CHMP7: variants seen among roughly 807,000 people sequenced by gnomAD.
CHMP7 encodes the protein charged multivesicular body protein 7, also known as CHMP family, member 7.
In CHMP7, 15 loss-of-function variants were observed where a neutral mutation model predicts 53.7. The observed-to-expected ratio is 0.28, with a 90% CI of 0.19 to 0.43. The LOEUF is 0.43. Ranked by LOEUF, CHMP7 falls within the 20% of genes least tolerant of loss-of-function variation. The probability of loss-of-function intolerance (pLI) is 1.00; values close to 1 mark genes in which losing one functional copy is unlikely to be tolerated. For synonymous variants in CHMP7, 261 were observed against 228.0 expected, an observed-to-expected ratio of 1.14 and a Z score of -1.30; for missense variants, 527 against 569.4, an observed-to-expected ratio of 0.93 and a Z score of 0.76.
intron 3 of CHMP7, 135 bp from the exon 4 acceptor site, chr8:23,255,112 G>C (rs1168264471): frequency 8.4e-6 from 7 of 830,090 alleles, no homozygotes; most frequent in African/African-American, 1.7e-5. Flanking sequence ...TTGAAAAGCC[G>C]CTACTTTGGG....
At chr8:23,244,122 C>A (rs1166241521) in intron 1 of CHMP7, among the ~76,000 whole-genome samples, 1 of 151,944 alleles carries the variant, frequency 6.6e-6, no homozygotes, top group Non-Finnish European at 1.5e-5. Flanking sequence ...TTCACAGTGT[C>A]TTTCAGAAAG....
intron 3 of CHMP7, among the ~76,000 whole-genome samples, chr8:23,250,953 C>T (rs1014755137): frequency 6.6e-6 from 1 of 152,214 alleles, no homozygotes; most frequent in African/African-American, 2.4e-5. Context: ...AGGGCAGCCC[C>T]TCTGCTCCAT....
rs1218795898 is a variant in CHMP7, at chr8:23,260,195, C to T, written c.1172C>T (p.Thr391Ile). 1.9e-6 allele frequency: 3 copies of T among 1,613,998 alleles called. No homozygotes were observed. Among genetic ancestry groups the T allele is most frequent in the African/African-American group, 2.7e-5 (2 of 74,918 alleles). The change falls in exon 10 of 11, where the codon ACC becomes ATC. Residue 391 changes from threonine (T) to isoleucine (I), a missense_variant. By Grantham distance (89) the Thr-to-Ile change is moderately conservative (BLOSUM62 -1). Coordinates refer to ENST00000397677, the MANE Select transcript of CHMP7 (RefSeq NM_152272.5). ...EKELDILLQD[T>I]TKEPLDLPDN... ...GAATTGGACATCCTCCTTCAGGATA[C>T]CACCAAAGAACCTTTGGATCTGCCT...
In CHMP7 at chr8:23,246,855, G is replaced by C. The variant is rs1490453611; in HGVS notation, c.160G>C (p.Gly54Arg). Reference protein sequence around the residue: ...VNSTDWDSKMGFWAPLVLSHS... With the variant: ...VNSTDWDSKMRFWAPLVLSHS... ...CAGCACCGACTGGGACAGCAAGATGGGCTTCTGGGCGCCGTTGGTGCTGAG... is the reference window on the plus strand; with the variant it reads ...CAGCACCGACTGGGACAGCAAGATGCGCTTCTGGGCGCCGTTGGTGCTGAG... The change falls in exon 2 of 11, where the codon GGC becomes CGC. Residue 54 changes from glycine (G) to arginine (R), a missense_variant. Coordinates refer to ENST00000397677, the MANE Select transcript of CHMP7 (RefSeq NM_152272.5). 1.3e-6 allele frequency: 2 copies of C among 1,597,350 alleles called. No individual in the cohort carries two copies. Among genetic ancestry groups the C allele is most frequent in the Admixed American group, 1.7e-5 (1 of 57,760 alleles).
intron 3 of CHMP7, among the ~76,000 whole-genome samples, chr8:23,253,822 C>A (rs907569231): frequency 1.3e-5 from 2 of 152,122 alleles, no homozygotes; most frequent in African/African-American, 4.8e-5. Context: ...ATTCAAATAG[C>A]CTGTTGTTCA....
chr8:23,246,323 AT>A lies in CHMP7; in HGVS notation c.-369del, dbSNP rs1476850665. ...CCCTCTGCGGCTATTCCCCAGTTCC[AT>A]TTTCTGAAGCCACAGGTCAGAAGCC... On this transcript the variant is annotated 5_prime_UTR_variant, in exon 2 of 11. It removes the in-frame stop codon of an upstream open reading frame in the 5' UTR. Transcript: ENST00000397677. The A allele has an allele frequency of 4.5e-6, 1 of 221,510 alleles. No homozygotes were observed. Among genetic ancestry groups the A allele is most frequent in the Non-Finnish European group, 9.1e-6 (1 of 110,268 alleles). 13.7% of individuals were successfully genotyped at this position (221,510 alleles called of 1,614,324 possible). A position where few individuals can be genotyped will look rare whatever the true frequency, so the allele number is the denominator to read the frequency against.
chr8:23,245,293 A>C (rs977400850), intron 1 of CHMP7, among the ~76,000 whole-genome samples: 1 of 152,194 alleles, frequency 6.6e-6, no homozygotes, highest in African/African-American at 2.4e-5. Flanking sequence ...TATCAAGTGG[A>C]GGATGTGTCC....
At chr8:23,260,443 G>A (rs1802341800) in intron 10 of CHMP7, 95 bp from the exon 11 acceptor site, 1 of 1,511,934 alleles carries the variant, frequency 6.6e-7, no homozygotes, top group Non-Finnish European at 9.2e-7. Flanking sequence ...GGAGTTGAGG[G>A]TTGTTTATAT....
In CHMP7 at chr8:23,259,739, C is replaced by T. The variant is rs188019649; in HGVS notation, c.1121-405C>T. On this transcript the variant is annotated intron_variant, in intron 9 of 10. Coordinates refer to ENST00000397677, the MANE Select transcript of CHMP7 (RefSeq NM_152272.5). ...GAGTTTGACAGTAGATTTGCTTTTC[C>T]GGGTGCAGGCAGGCCTCTCCTAGCC... Among the ~76,000 whole-genome samples the T allele has an allele frequency of 6.8e-4, 103 of 152,294 alleles. 1 individual carries two copies. Among genetic ancestry groups the T allele is most frequent in the African/African-American group, 1.6e-3 (65 of 41,566 alleles).
At chr8:23,247,046 G>C in intron 2 of CHMP7, 52 bp downstream of exon 2, 2 of 1,447,368 alleles carry the variant, frequency 1.4e-6, no homozygotes, top group Non-Finnish European at 1.8e-6. Flanking sequence ...GGCAGCTCTC[G>C]GAGGGCCGGG....
intron 3 of CHMP7, among the ~76,000 whole-genome samples, chr8:23,251,610 T>G (rs1295436135): frequency 6.6e-6 from 1 of 152,246 alleles, no homozygotes; most frequent in Non-Finnish European, 1.5e-5. Flanking sequence ...CACAGACACG[T>G]GTACACATCA....
chr8:23,247,824 C>T (rs938158171), intron 2 of CHMP7, among the ~76,000 whole-genome samples: 2 of 152,034 alleles, frequency 1.3e-5, no homozygotes, highest in Non-Finnish European at 1.5e-5. Flanking sequence ...GTCATTTGCA[C>T]TTCAGTGTAC....
chr8:23,253,272 G>A (rs546085385), intron 3 of CHMP7, among the ~76,000 whole-genome samples: 1 of 152,212 alleles, frequency 6.6e-6, no homozygotes, highest in East Asian at 1.9e-4. Flanking sequence ...CTTGGATATA[G>A]CTCAGACATC....
chr8:23,248,668 C>T (rs191006419), intron 2 of CHMP7, among the ~76,000 whole-genome samples: 2 of 152,144 alleles, frequency 1.3e-5, no homozygotes, highest in Admixed American at 1.3e-4. Context: ...GTGACTGGCC[C>T]GCGGCAAGCA....
intron 3 of CHMP7, among the ~76,000 whole-genome samples, chr8:23,253,289 A>G (rs1801998543): frequency 6.6e-6 from 1 of 152,066 alleles, no homozygotes; most frequent in Non-Finnish European, 1.5e-5. Flanking sequence ...CATCTTATTT[A>G]TGTATTTATT....
intron 3 of CHMP7, among the ~76,000 whole-genome samples, 155 bp downstream of exon 3, chr8:23,249,536 T>C (rs1265524108): frequency 1.3e-5 from 2 of 152,210 alleles, no homozygotes; most frequent in African/African-American, 2.4e-5. Flanking sequence ...TACTTGCACT[T>C]TGTAATATTC....
rs374875954 is a variant in CHMP7, at chr8:23,258,369, C to T, written c.880C>T (p.Arg294Cys). 2.7e-5 allele frequency: 44 copies of T among 1,614,050 alleles called. No individual in the cohort carries two copies. Among genetic ancestry groups the T allele is most frequent in the South Asian group, 4.4e-5 (4 of 91,090 alleles). ...CAAGGCCAAGCAACGGACAGAGAAG[C>T]GCATCGAGGCCTTGCATGCCAAGCT... ...SLKAKQRTEK[R>C]IEALHAKLDT... The change falls in exon 7 of 11, where the codon CGC becomes TGC. Residue 294 changes from arginine (R) to cysteine (C), a missense_variant. Transcript: ENST00000397677.
Position 23,254,776 on chromosome 8 carries a change from T to C in CHMP7, c.472-471T>C, listed in dbSNP as rs553264235. 1.9e-5 allele frequency: 4 copies of C among 209,226 alleles called. No individual in the cohort carries two copies. The East Asian group carries it at 4.3e-4, about 23-fold the overall frequency. 13.0% of individuals were successfully genotyped at this position (209,226 alleles called of 1,614,324 possible). A position where few individuals can be genotyped will look rare whatever the true frequency, so the allele number is the denominator to read the frequency against. ...GCAGTATAGCCAATTGGCAGGAAAA[T>C]GGAGAGACTACAATTGGAAGGGAAT... On this transcript the variant is annotated intron_variant, in intron 3 of 10. Coordinates refer to ENST00000397677, the MANE Select transcript of CHMP7 (RefSeq NM_152272.5).
At chr8:23,249,777 C>A (rs553106768) in intron 3 of CHMP7, among the ~76,000 whole-genome samples, 3 of 152,150 alleles carry the variant, frequency 2.0e-5, no homozygotes, top group Non-Finnish European at 4.4e-5. Flanking sequence ...ACTTTGTGAC[C>A]GTGCCCTTTC....
Sources: allele counts gnomAD v4.1 joint callset (sites outside exome capture counted in the v4.1 genomes callset), GRCh38; gene constraint gnomAD v4.1.1; transcripts MANE v1.5; gene names NCBI Gene and HGNC (gene_info 2026-07-23, HGNC 2026-07-21).